CACNB2: variants seen among roughly 807,000 people sequenced by gnomAD.
CACNB2 encodes voltage-dependent L-type calcium channel subunit beta-2.
CACNB2 carries 42 observed loss-of-function variants against 73.3 expected under a neutral mutation model. The observed-to-expected ratio is 0.57, with a 90% CI of 0.45 to 0.74. CACNB2 has a LOEUF of 0.74. Ranked by LOEUF, CACNB2 falls within the 30% of genes least tolerant of loss-of-function variation. The pLI, the probability that CACNB2 is intolerant of heterozygous loss-of-function variation, is 0.00. For synonymous variants in CACNB2, 348 were observed against 310.3 expected (o/e 1.12, Z -1.28); for missense variants, 940 against 853.0 (o/e 1.10, Z -1.27).
chr10:18,433,635 G>A (rs2045993201), intron 3 of CACNB2, among the ~76,000 whole-genome samples: 1 of 151,926 alleles, frequency 6.6e-6, no homozygotes, highest in South Asian at 2.1e-4. Context: ...ATGAAATGAT[G>A]GGTCTGTGAG....
chr10:18,526,344 C>G (rs988028600), intron 9 of CACNB2, among the ~76,000 whole-genome samples: 2 of 152,192 alleles, frequency 1.3e-5, no homozygotes, highest in Non-Finnish European at 2.9e-5. Flanking sequence ...ATTCCCTGCT[C>G]CTGTTCTGTC....
intron 2 of CACNB2, among the ~76,000 whole-genome samples, chr10:18,266,362 C>G (rs1478683184): frequency 6.6e-6 from 1 of 152,070 alleles, no homozygotes; most frequent in East Asian, 1.9e-4. Context: ...TTTGGAATGT[C>G]TTTCCAAGTT....
At chr10:18,164,120 C>T (rs985745416) in intron 2 of CACNB2, among the ~76,000 whole-genome samples, 1 of 152,136 alleles carries the variant, frequency 6.6e-6, no homozygotes, top group African/African-American at 2.4e-5. Flanking sequence ...TAAACTTTTA[C>T]GACAGATAAA....
intron 3 of CACNB2, among the ~76,000 whole-genome samples, chr10:18,469,848 T>C (rs1319685679): frequency 6.6e-6 from 1 of 152,176 alleles, no homozygotes. Flanking sequence ...TCCTCCCTAC[T>C]CTTTATTAAA....
intron 3 of CACNB2, among the ~76,000 whole-genome samples, chr10:18,484,089 T>C (rs1458253142): frequency 1.3e-5 from 2 of 152,118 alleles, no homozygotes; most frequent in Non-Finnish European, 2.9e-5. Flanking sequence ...GTTTTTGAAA[T>C]GTTTGTAGTT....
rs1043041048 is a variant in CACNB2, at chr10:18,278,102, G to T, written c.214-123822G>T. Among the ~76,000 whole-genome samples the T allele has an allele frequency of 2.6e-5, 4 of 152,168 alleles. 1 individual carries two copies. Among genetic ancestry groups the T allele is most frequent in the African/African-American group, 7.2e-5 (3 of 41,450 alleles). ...GGAAAATATTGTCCTTAATATTGTTGTTATTATGTAGATTAATTTTAAGAT... is the reference window on the plus strand; with the variant it reads ...GGAAAATATTGTCCTTAATATTGTTTTTATTATGTAGATTAATTTTAAGAT... On this transcript the variant is annotated intron_variant, in intron 2 of 13. Coordinates refer to ENST00000324631, the MANE Select transcript of CACNB2 (RefSeq NM_201596.3).
intron 2 of CACNB2, among the ~76,000 whole-genome samples, chr10:18,151,620 T>G (rs1304238244): frequency 6.6e-6 from 1 of 152,150 alleles, no homozygotes; most frequent in African/African-American, 2.4e-5. Context: ...GGAATTCCAT[T>G]ACCAGAGGAA....
chr10:18,514,922 T>TAAAA, intron 7 of CACNB2: 1 of 1,017,944 alleles, frequency 9.8e-7, no homozygotes, highest in South Asian at 1.5e-5. Flanking sequence ...TAGCTTGTAC[T>TAAAA]AAAAAAAAAA....
In CACNB2 at chr10:18,540,902, T is replaced by TAAGC. The variant is rs2054037146; in HGVS notation, c.*1179_*1182dup. 1 of 152,622 alleles carries TAAGC rather than the reference T, an allele frequency of 6.6e-6. No individual in the cohort carries two copies. Among genetic ancestry groups the TAAGC allele is most frequent in the Non-Finnish European group, 1.5e-5 (1 of 68,044 alleles). The allele number at this position is 152,622 out of a possible 1,614,324, so 9.5% of individuals were successfully genotyped here. On this transcript the variant is annotated 3_prime_UTR_variant, in exon 14 of 14. Coordinates refer to ENST00000324631, the MANE Select transcript of CACNB2 (RefSeq NM_201596.3). ...CCATTGAGCAGTCAGGGAATGTGAG[T>TAAGC]AAGCTTGCTGCCAAAGGTAACTAGG... is the stretch of plus-strand genomic sequence containing the variant.
At chr10:18,146,946 C>G (rs920061785) in intron 1 of CACNB2, among the ~76,000 whole-genome samples, 7 of 152,094 alleles carry the variant, frequency 4.6e-5, no homozygotes, top group African/African-American at 1.7e-4. Context: ...CAGTATTTTG[C>G]TCATGGGAAG....
chr10:18,355,351 A>G (rs2132165435), intron 2 of CACNB2, among the ~76,000 whole-genome samples: 1 of 152,328 alleles, frequency 6.6e-6, no homozygotes, highest in Non-Finnish European at 1.5e-5. Context: ...CTAGGTAGAA[A>G]AAAGTTGTTA....
chr10:18,398,983 TGAATGAGACCGGGAATGCGACCGCGG>T (rs1330756148), intron 2 of CACNB2, among the ~76,000 whole-genome samples: 8 of 152,222 alleles, frequency 5.3e-5, no homozygotes, highest in African/African-American at 7.2e-5. Context: ...TTTAAAATAA[TGAATGAGACCGGGAATGCGACCGCGG>T]GAATGAGACC....
At chr10:18,277,693 G>A (rs11013303) in intron 2 of CACNB2, among the ~76,000 whole-genome samples, 38,019 of 152,064 alleles carry the variant, frequency 0.25, 5,401 homozygotes, top group East Asian at 0.58. Flanking sequence ...ACACTTATTC[G>A]TTTAATCAAT....
At position 18,538,171 on chromosome 10, in the gene CACNB2, C is replaced by T. The variant is rs1455051303; in HGVS notation, c.1303-9C>T. The stretch of plus-strand genomic sequence containing the variant: ...GCATCAATGTGGTCTGGAATGTCTG[C>T]CTCTGCAGGAGCTGTTCGATGTGAT... On this transcript the variant is annotated splice_polypyrimidine_tract_variant and intron_variant, in intron 12 of 13. Coordinates refer to ENST00000324631, the MANE Select transcript of CACNB2 (RefSeq NM_201596.3). The T allele has an allele frequency of 6.2e-7, 1 of 1,613,964 alleles. No homozygotes were observed.
At chr10:18,440,858 TTGCAGGCCAGAGA>T (rs927638044) in intron 3 of CACNB2, among the ~76,000 whole-genome samples, 1 of 152,188 alleles carries the variant, frequency 6.6e-6, no homozygotes, top group African/African-American at 2.4e-5. Flanking sequence ...ACACAGGGAC[TTGCAGGCCAGAGA>T]TGCAGGCCAT....
intron 2 of CACNB2, among the ~76,000 whole-genome samples, chr10:18,243,454 A>C (rs1000183538): frequency 6.6e-6 from 1 of 152,182 alleles, no homozygotes; most frequent in African/African-American, 2.4e-5. Context: ...ACTCAAGACA[A>C]CATGGCAGAG....
chr10:18,466,119 C>T (rs2047869703), intron 3 of CACNB2, among the ~76,000 whole-genome samples: 1 of 152,228 alleles, frequency 6.6e-6, no homozygotes, highest in Non-Finnish European at 1.5e-5. Flanking sequence ...TCTGACATTC[C>T]AGTTACGGTG....
chr10:18,364,161 G>T (rs965035265), intron 2 of CACNB2, among the ~76,000 whole-genome samples: 1 of 151,964 alleles, frequency 6.6e-6, no homozygotes, highest in African/African-American at 2.4e-5. Context: ...GGCCAGGCTG[G>T]TCTTGAACTC....
intron 2 of CACNB2, among the ~76,000 whole-genome samples, chr10:18,324,074 A>G (rs553449814): frequency 6.6e-6 from 1 of 152,358 alleles, no homozygotes; most frequent in East Asian, 1.9e-4. Context: ...TAGGAAGGCA[A>G]ATGAATCTTT....
Sources: allele counts gnomAD v4.1 joint callset (sites outside exome capture counted in the v4.1 genomes callset), GRCh38; gene constraint gnomAD v4.1.1; transcripts MANE v1.5; gene names NCBI Gene and HGNC (gene_info 2026-07-23, HGNC 2026-07-21).